Variants in SEMA6B observed in about 807,000 individuals in gnomAD.
SEMA6B encodes the protein semaphorin-6B.
Under a neutral mutation model 78.6 loss-of-function variants are expected in SEMA6B, and 47 were observed. That is an observed-to-expected ratio of 0.60 (90% CI 0.47 to 0.76). SEMA6B has a LOEUF of 0.76. SEMA6B is among the 30% of genes least tolerant of loss of function. The pLI is 0.00. For synonymous variants in SEMA6B, 632 were observed against 592.2 expected (o/e 1.07, Z -0.98); for missense variants, 1,213 against 1,269.9 (o/e 0.96, Z 0.68).
chr19:4,559,184 A>C (rs1364184757), intron 1 of SEMA6B, among the ~76,000 whole-genome samples: 1 of 123,194 alleles, frequency 8.1e-6, no homozygotes. Flanking sequence ...ACAGAGCAAG[A>C]CTCCATCCAA....
intron 3 of SEMA6B, 132 bp from the exon 4 acceptor site, chr19:4,557,355 T>A: frequency 1.5e-6 from 1 of 652,976 alleles, no homozygotes. Context: ...CGAGCAACTC[T>A]AGCGCCGACC....
At position 4,542,691 on chromosome 19, in the gene SEMA6B, C is replaced by A; in HGVS notation, c.*910G>T. The A allele has an allele frequency of 1.5e-6, 1 of 657,032 alleles. No individual in the cohort carries two copies. The highest frequency in any genetic ancestry group is 2.8e-6 in the Non-Finnish European group (1 of 357,914). 40.7% of individuals were successfully genotyped at this position (657,032 alleles called of 1,614,324 possible). On this transcript the variant is annotated 3_prime_UTR_variant, in exon 17 of 17. Coordinates refer to ENST00000586582, the MANE Select transcript of SEMA6B (RefSeq NM_032108.4). ...CCAGCCACGTGGCATGCATGGTCAG[C>A]TGGAGGTCAGAGGGGGGAGGTCACA...
chr19:4,552,708 C>G lies in SEMA6B; in HGVS notation c.772-69G>C. The G allele has an allele frequency of 7.1e-7, 1 of 1,411,906 alleles. No individual in the cohort carries two copies. Among genetic ancestry groups the G allele is most frequent in the African/African-American group, 1.4e-5 (1 of 70,508 alleles). The allele number at this position is 1,411,906 out of a possible 1,614,324, so 87.5% of individuals were successfully genotyped here. On this transcript the variant is annotated intron_variant, in intron 9 of 16. Transcript: ENST00000586582. The surrounding 1 kb of genome is among the most constrained non-coding windows in gnomAD (Gnocchi z 7.4). ...CAGGAAGGCCTGTTCACAGGCTGTG[C>G]CACTCACCACCCAAACTGTGATGGA...
At chr19:4,548,502 C>T in intron 12 of SEMA6B, 57 bp from the exon 13 acceptor site, 2 of 1,504,822 alleles carry the variant, frequency 1.3e-6, no homozygotes. Context: ...ATGCCACCAA[C>T]ACGGGCATGG....
rs938705331 is a variant in SEMA6B at position 4,545,964 on chromosome 19, G to A, written c.1738+252C>T. On this transcript the variant is annotated intron_variant, in intron 16 of 16. Coordinates refer to ENST00000586582, the MANE Select transcript of SEMA6B (RefSeq NM_032108.4). ...TTTTTTGTATTTTTAGTAGAGACGG[G>A]GTTTCACCGTGTTAGCCAGGATGGT... 7.0e-5 allele frequency: 21 copies of A among 302,128 alleles called. No homozygotes were observed. In the Admixed American group the frequency reaches 9.7e-4, roughly 14 times the overall value. 18.7% of individuals were successfully genotyped at this position (302,128 alleles called of 1,614,324 possible).
At chr19:4,545,441 G>A (rs1404948484) in intron 16 of SEMA6B, among the ~76,000 whole-genome samples, 2 of 151,966 alleles carry the variant, frequency 1.3e-5, no homozygotes, top group African/African-American at 2.4e-5. Flanking sequence ...GGGCTCAAGC[G>A]ATCCTCCCGC....
rs1977062233 is a variant in SEMA6B, at chr19:4,543,106, C to T, written c.*495G>A. 1.6e-6 allele frequency: 1 copy of T among 627,612 alleles called. No homozygotes were observed. The highest frequency in any genetic ancestry group is 2.9e-6 in the Non-Finnish European group (1 of 347,544). The allele number at this position is 627,612 out of a possible 1,614,324, so 38.9% of individuals were successfully genotyped here. On this transcript the variant is annotated 3_prime_UTR_variant, in exon 17 of 17. Transcript: ENST00000586582. Reference sequence around the variant, plus strand: ...GCACACACACGCCCACCTCCCCGGCCCCTTGCACACGAACACGGCACGCAC... The same window carrying T: ...GCACACACACGCCCACCTCCCCGGCTCCTTGCACACGAACACGGCACGCAC...
intron 9 of SEMA6B, among the ~76,000 whole-genome samples, chr19:4,553,379 G>GTGGATGGATGGATGGA (rs529191124): frequency 0.33 from 38,567 of 116,416 alleles, 8,713 homozygotes; most frequent in East Asian, 0.49. Flanking sequence ...GGATGGGTGA[G>GTGGATGGATGGATGGA]TGGATGGATG....
rs2145353990 is a variant in SEMA6B at position 4,552,303 on chromosome 19, G to A, written c.989+119C>T. ...CCCAGCCTGGGGCCGAGGCCTCTCA[G>A]AGGTCTAATCCAGTGGTGCCCAACC... On this transcript the variant is annotated intron_variant, in intron 10 of 16. Transcript: ENST00000586582. This position sits in a 1 kb window ranked among gnomAD's most constrained non-coding sequence, Gnocchi z 7.4. The A allele has an allele frequency of 1.0e-6, 1 of 1,000,892 alleles. No individual in the cohort carries two copies. The highest frequency in any genetic ancestry group is 2.6e-5 in the East Asian group (1 of 38,102). 62.0% of individuals were successfully genotyped at this position (1,000,892 alleles called of 1,614,324 possible). A position where few individuals can be genotyped will look rare whatever the true frequency, so the allele number is the denominator to read the frequency against.
In SEMA6B at chr19:4,556,021, G is replaced by A. The variant is rs982541704; in HGVS notation, c.438C>T (p.Ser146=). Residue 146 remains serine (S), a synonymous_variant, in exon 6 of 17, where the codon TCC becomes TCT. Coordinates refer to ENST00000586582, the MANE Select transcript of SEMA6B (RefSeq NM_032108.4). ...TGGCGCACACCGGGTTGAAGGCGTT[G>A]GAACCGCACACAAAGAGCGTGGACT... is the stretch of plus-strand genomic sequence containing the variant. ...RDESTLFVCG[S]NAFNPVCANY... 6.2e-7 allele frequency: 1 copy of A among 1,614,028 alleles called. No homozygotes were observed. The highest frequency in any genetic ancestry group is 1.3e-5 in the African/African-American group (1 of 74,950).
At chr19:4,554,290 C>A in intron 9 of SEMA6B, 98 bp downstream of exon 9, 1 of 947,110 alleles carries the variant, frequency 1.1e-6, no homozygotes, top group South Asian at 1.4e-5. Flanking sequence ...GAGGGCAGGA[C>A]CCTCTCACCC....
rs1977280060 is a variant in SEMA6B, at chr19:4,550,045, T to C, written c.1271+78A>G. The C allele has an allele frequency of 1.4e-6, 2 of 1,442,236 alleles. No individual in the cohort carries two copies. The highest frequency in any genetic ancestry group is 1.2e-5 in the South Asian group (1 of 81,968). The allele number at this position is 1,442,236 out of a possible 1,614,324, so 89.3% of individuals were successfully genotyped here. A position where few individuals can be genotyped will look rare whatever the true frequency, so the allele number is the denominator to read the frequency against. The stretch of plus-strand genomic sequence containing the variant: ...GCCGGAAGCCATGGGCTCATCTGTG[T>C]TGAGCATCTGGATCCTCTCACCCTC... On this transcript the variant is annotated intron_variant, in intron 12 of 16. Transcript: ENST00000586582. This position sits in a 1 kb window ranked among gnomAD's most constrained non-coding sequence, Gnocchi z 6.6.
chr19:4,548,554 C>T (rs1977235465), intron 12 of SEMA6B, 109 bp from the exon 13 acceptor site: 3 of 974,234 alleles, frequency 3.1e-6, no homozygotes, highest in Admixed American at 2.2e-5. Context: ...CACACCAACA[C>T]ATGTGACAGC....
At chr19:4,553,776 A>ATGGG (rs1977398911) in intron 9 of SEMA6B, among the ~76,000 whole-genome samples, 1 of 135,330 alleles carries the variant, frequency 7.4e-6, no homozygotes, top group African/African-American at 2.9e-5. Flanking sequence ...AGATAAATGG[A>ATGGG]TGGATGGGTG....
rs537870987 is a variant in SEMA6B, at chr19:4,544,699, G to T, written c.1739-170C>A. Among the ~76,000 whole-genome samples, 2 of 151,772 alleles carry T rather than the reference G, an allele frequency of 1.3e-5. No homozygotes were observed. Among genetic ancestry groups the T allele is most frequent in the South Asian group, 2.1e-4 (1 of 4,800 alleles). ...GTGCCAGGCTGGAGTGCAGTGGGGCGATCTCGATTCACTGCAACCTCCGCC... is the reference window on the plus strand; with the variant it reads ...GTGCCAGGCTGGAGTGCAGTGGGGCTATCTCGATTCACTGCAACCTCCGCC... On this transcript the variant is annotated intron_variant, in intron 16 of 16. Coordinates refer to ENST00000586582, the MANE Select transcript of SEMA6B (RefSeq NM_032108.4). The surrounding 1 kb of genome is among the most constrained non-coding windows in gnomAD (Gnocchi z 5.1).
At position 4,544,636 on chromosome 19, in the gene SEMA6B, T is replaced by A; in HGVS notation, c.1739-107A>T. On this transcript the variant is annotated intron_variant, in intron 16 of 16. Transcript: ENST00000586582. The surrounding 1 kb of genome is among the most constrained non-coding windows in gnomAD (Gnocchi z 5.1). ...CTCTTTTTTATTATTTTTATTTTTT[T>A]TTATTTATTTATTTTTTGAGAAGGA... The A allele has an allele frequency of 3.4e-6, 2 of 589,512 alleles. No homozygotes were observed. Among genetic ancestry groups the A allele is most frequent in the South Asian group, 7.3e-5 (1 of 13,618 alleles). 36.5% of individuals were successfully genotyped at this position (589,512 alleles called of 1,614,324 possible).
At position 4,550,437 on chromosome 19, in the gene SEMA6B, C is replaced by G. The variant is rs534495020; in HGVS notation, c.1122-165G>C. Among the ~76,000 whole-genome samples, 7 of 152,140 alleles carry G rather than the reference C, an allele frequency of 4.6e-5. No homozygotes were observed. Among genetic ancestry groups the G allele is most frequent in the African/African-American group, 1.7e-4 (7 of 41,502 alleles). On this transcript the variant is annotated intron_variant, in intron 11 of 16. Transcript: ENST00000586582. The surrounding 1 kb of genome is among the most constrained non-coding windows in gnomAD (Gnocchi z 6.6). ...TCGCCCAGGCTGGAGTGCTTTGGCT[C>G]ACTGCAACCTCCACCTCCTGGGTTC...
chr19:4,555,699 T>A lies in SEMA6B; in HGVS notation c.472-135A>T. On this transcript the variant is annotated intron_variant, in intron 6 of 16. Coordinates refer to ENST00000586582, the MANE Select transcript of SEMA6B (RefSeq NM_032108.4). The surrounding 1 kb of genome is among the most constrained non-coding windows in gnomAD (Gnocchi z 6.1). ...TGTGACCTTGGCCACTCACTTAACCTCTCAGGGCCTCAGTTTACTGATCTG... is the reference window on the plus strand; with the variant it reads ...TGTGACCTTGGCCACTCACTTAACCACTCAGGGCCTCAGTTTACTGATCTG... 2.7e-6 allele frequency: 2 copies of A among 738,798 alleles called. No homozygotes were observed. Among genetic ancestry groups the A allele is most frequent in the South Asian group, 1.6e-5 (1 of 64,196 alleles). The allele number at this position is 738,798 out of a possible 1,614,324, so 45.8% of individuals were successfully genotyped here. A position where few individuals can be genotyped will look rare whatever the true frequency, so the allele number is the denominator to read the frequency against.
At chr19:4,546,306 G>A (rs372505126) in intron 15 of SEMA6B, 32 bp from the exon 16 acceptor site, 3 of 1,610,842 alleles carry the variant, frequency 1.9e-6, no homozygotes, top group Non-Finnish European at 2.5e-6. Context: ...GTCAGCAGAG[G>A]CCCCTCTCAC....
Sources: allele counts gnomAD v4.1 joint callset (sites outside exome capture counted in the v4.1 genomes callset), GRCh38; gene constraint gnomAD v4.1.1; non-coding constraint Gnocchi (gnomAD v3.1); transcripts MANE v1.5; gene names NCBI Gene and HGNC (gene_info 2026-07-23, HGNC 2026-07-21).